The following CNTN4 variants were observed in gnomAD, a reference collection of about 807,000 sequenced individuals.
The protein encoded by CNTN4 is contactin-4.
Under a neutral mutation model 122.5 loss-of-function variants are expected in CNTN4, and 77 were observed. That is an observed-to-expected ratio of 0.63 (90% CI 0.52 to 0.76). The LOEUF (loss-of-function observed/expected upper bound fraction) is 0.76, where lower values mean the gene tolerates loss of function less well. Ranked by LOEUF, CNTN4 falls within the 30% of genes least tolerant of loss-of-function variation. The probability of loss-of-function intolerance (pLI) is 0.00; values close to 1 mark genes in which losing one functional copy is unlikely to be tolerated. For missense variants in CNTN4, 1,256 were observed against 1,259.1 expected (o/e 1.00, Z 0.04); for synonymous variants, 512 against 447.0 (o/e 1.15, Z -1.83).
At chr3:2,353,414 C>T (rs913782140) in intron 3 of CNTN4, among the ~76,000 whole-genome samples, 1 of 152,108 alleles carries the variant, frequency 6.6e-6, no homozygotes, top group Admixed American at 6.5e-5. Flanking sequence ...GGTCTGGTCC[C>T]CTTCCACATT....
chr3:2,627,605 T>C (rs551215697), intron 4 of CNTN4, among the ~76,000 whole-genome samples: 128 of 150,552 alleles, frequency 8.5e-4, no homozygotes, highest in Non-Finnish European at 1.6e-3. Flanking sequence ...GCCATTCTCC[T>C]GCTTCAGCCT....
intron 3 of CNTN4, among the ~76,000 whole-genome samples, chr3:2,518,820 G>T (rs1324911769): frequency 6.6e-6 from 1 of 151,528 alleles, no homozygotes; most frequent in Non-Finnish European, 1.5e-5. Flanking sequence ...GTGGGCCTGA[G>T]ACTTAAATCT....
At chr3:2,470,096 C>G (rs185153356) in intron 3 of CNTN4, among the ~76,000 whole-genome samples, 1 of 150,078 alleles carries the variant, frequency 6.7e-6, no homozygotes, top group Non-Finnish European at 1.5e-5. Context: ...GACAGGGTCT[C>G]GCTCTCTCGC....
At chr3:2,487,767 A>G (rs554883111) in intron 3 of CNTN4, among the ~76,000 whole-genome samples, 64 of 152,322 alleles carry the variant, frequency 4.2e-4, no homozygotes, top group African/African-American at 1.5e-3. Context: ...ACTGTCGTTT[A>G]CGCTTTCCTT....
chr3:2,365,263 A>C (rs1051301307), intron 3 of CNTN4, among the ~76,000 whole-genome samples: 3 of 152,052 alleles, frequency 2.0e-5, no homozygotes, highest in African/African-American at 4.8e-5. Context: ...CGTAGTTCCT[A>C]CGTTTAACCT....
intron 4 of CNTN4, among the ~76,000 whole-genome samples, chr3:2,730,852 G>A (rs1390011137): frequency 1.3e-5 from 2 of 152,014 alleles, no homozygotes; most frequent in Non-Finnish European, 2.9e-5. Flanking sequence ...CCAGCAGCCT[G>A]AGTAGTATCC....
chr3:2,174,354 A>AG (rs993122072), intron 2 of CNTN4, among the ~76,000 whole-genome samples: 72 of 152,324 alleles, frequency 4.7e-4, no homozygotes, highest in African/African-American at 1.7e-3. Flanking sequence ...AGCATAACAT[A>AG]GACTGGGTGG....
intron 10 of CNTN4, among the ~76,000 whole-genome samples, chr3:2,895,833 G>C (rs914881128): frequency 3.3e-5 from 5 of 152,188 alleles, no homozygotes; most frequent in Non-Finnish European, 5.9e-5. Flanking sequence ...AGGAGATCGA[G>C]ACCATCCTGG....
chr3:2,480,545 G>C (rs933280105), intron 3 of CNTN4, among the ~76,000 whole-genome samples: 12 of 152,172 alleles, frequency 7.9e-5, no homozygotes, highest in Non-Finnish European at 1.0e-4. Context: ...GATATACTTT[G>C]ATATAAATTT....
At chr3:2,625,598 A>G (rs1475864523) in intron 4 of CNTN4, among the ~76,000 whole-genome samples, 4 of 152,110 alleles carry the variant, frequency 2.6e-5, no homozygotes, top group Non-Finnish European at 5.9e-5. Flanking sequence ...TTACGTTGAA[A>G]CTTGTGACTT....
At chr3:2,971,679 A>G (rs1440371145) in intron 13 of CNTN4, among the ~76,000 whole-genome samples, 2 of 152,148 alleles carry the variant, frequency 1.3e-5, no homozygotes, top group East Asian at 3.8e-4. Flanking sequence ...ATTTTATACC[A>G]TTTTTCCTAA....
intron 11 of CNTN4, among the ~76,000 whole-genome samples, chr3:2,902,112 C>G (rs548655539): frequency 6.6e-6 from 1 of 152,284 alleles, no homozygotes; most frequent in East Asian, 1.9e-4. Flanking sequence ...AGTGTCCACT[C>G]AGCTAACTCA....
intron 3 of CNTN4, among the ~76,000 whole-genome samples, chr3:2,570,039 C>G (rs546533303): frequency 1.3e-5 from 2 of 149,256 alleles, no homozygotes; most frequent in African/African-American, 5.2e-5. Flanking sequence ...TCACACATGG[C>G]GGGCTGGCAG....
chr3:2,844,969 C>T (rs1279750268), intron 7 of CNTN4, among the ~76,000 whole-genome samples: 1 of 152,204 alleles, frequency 6.6e-6, no homozygotes, highest in African/African-American at 2.4e-5. Context: ...TTGAGTTGGA[C>T]ACTGCCAAGG....
At chr3:2,562,466 G>A (rs2078997529) in intron 3 of CNTN4, among the ~76,000 whole-genome samples, 1 of 152,056 alleles carries the variant, frequency 6.6e-6, no homozygotes, top group Non-Finnish European at 1.5e-5. Context: ...CCACTTGTAA[G>A]TGAGATCACC....
chr3:2,448,635 A>G (rs1370516535), intron 3 of CNTN4, among the ~76,000 whole-genome samples: 5 of 152,220 alleles, frequency 3.3e-5, no homozygotes, highest in Non-Finnish European at 7.3e-5. Context: ...AGCCAGAGGA[A>G]GTGATTCTCT....
intron 13 of CNTN4, among the ~76,000 whole-genome samples, chr3:2,932,104 G>A (rs538779476): frequency 2.0e-3 from 311 of 152,252 alleles, no homozygotes; most frequent in African/African-American, 7.0e-3. Flanking sequence ...TAGGCCGGGC[G>A]CAGTGGCTCA....
In CNTN4 at chr3:2,583,596, G is replaced by A. The variant is rs555464260; in HGVS notation, c.55+12038G>A. Among the ~76,000 whole-genome samples the A allele has an allele frequency of 1.1e-3, 163 of 152,312 alleles. No homozygotes were observed. The Middle Eastern group carries it at 0.014, about 13-fold the overall frequency. On this transcript the variant is annotated intron_variant, in intron 4 of 24. Transcript: ENST00000418658. The stretch of plus-strand genomic sequence containing the variant: ...AGTGGTTTTGGGGAACTTGGTGAAT[G>A]CCCATGCAGTTTTTGATACAGTGGC...
At chr3:2,876,204 G>A (rs1463632559) in intron 8 of CNTN4, among the ~76,000 whole-genome samples, 1 of 152,174 alleles carries the variant, frequency 6.6e-6, no homozygotes, top group Admixed American at 6.5e-5. Context: ...CTCAACAGTT[G>A]TTGCCCCATA....
Sources: gnomAD v4.1 joint callset for allele counts (sites outside exome capture counted in the v4.1 genomes callset) on GRCh38, gnomAD v4.1.1 for gene constraint, MANE v1.5 for transcripts, NCBI Gene and HGNC (gene_info 2026-07-23, HGNC 2026-07-21) for gene names.